AMMECR1L: variants seen among roughly 807,000 people sequenced by gnomAD.
The protein encoded by AMMECR1L is AMMECR1-like protein.
Under a neutral mutation model 36.8 loss-of-function variants are expected in AMMECR1L, and 4 were observed. That is an observed-to-expected ratio of 0.11 (90% confidence interval 0.05 to 0.25). The LOEUF (loss-of-function observed/expected upper bound fraction) is 0.25. Among genes scored for constraint, AMMECR1L ranks in the 10% least tolerant of loss-of-function variants. The pLI is 1.00. For missense variants in AMMECR1L, 232 were observed against 392.1 expected (o/e 0.59, Z 3.45); for synonymous variants, 147 against 148.0 (o/e 0.99, Z 0.05).
At chr2:127,876,159 G>A (rs1691233529) in intron 2 of AMMECR1L, among the ~76,000 whole-genome samples, 1 of 151,278 alleles carries the variant, frequency 6.6e-6, no homozygotes, top group Admixed American at 6.6e-5. Context: ...GACCAGTATA[G>A]GCAACACAGG....
At chr2:127,880,195 A>G (rs1360827255) in intron 2 of AMMECR1L, among the ~76,000 whole-genome samples, 2 of 152,226 alleles carry the variant, frequency 1.3e-5, no homozygotes, top group Non-Finnish European at 2.9e-5. Flanking sequence ...CCCTTGCTTT[A>G]TGAAAGTATA....
In AMMECR1L at chr2:127,874,307, T is replaced by C; in HGVS notation, c.-38-35A>G. 6.4e-7 allele frequency: 1 copy of C among 1,560,338 alleles called. No homozygotes were observed. Among genetic ancestry groups the C allele is most frequent in the East Asian group, 2.2e-5 (1 of 44,498 alleles). The stretch of plus-strand genomic sequence containing the variant: ...ATGAGAAGTTAAGCATTAATTTGAC[T>C]GGTTAGTTAAAAGGAGAGGAAAAAA... On this transcript the variant is annotated intron_variant, in intron 2 of 7. Transcript: ENST00000272647. This position sits in a 1 kb window ranked among gnomAD's most constrained non-coding sequence, Gnocchi z 5.2.
rs1485940469 is a variant in AMMECR1L at position 127,871,991 on chromosome 2, C to A, written c.408-632G>T. On this transcript the variant is annotated intron_variant, in intron 3 of 7. Coordinates refer to ENST00000272647, the MANE Select transcript of AMMECR1L (RefSeq NM_001199140.2). This position sits in a 1 kb window ranked among gnomAD's most constrained non-coding sequence, Gnocchi z 4.3. ...ATCACTTGAGGTAAGGAGTTCTAGA[C>A]CAGCCTGGTCATCATGGCGAAACCC... Among the ~76,000 whole-genome samples, 2 of 152,006 alleles carry A rather than the reference C, an allele frequency of 1.3e-5. No homozygotes were observed. Among genetic ancestry groups the A allele is most frequent in the South Asian group, 2.1e-4 (1 of 4,810 alleles).
At position 127,871,125 on chromosome 2, in the gene AMMECR1L, C is replaced by A; in HGVS notation, c.518+124G>T. On this transcript the variant is annotated intron_variant, in intron 4 of 7. Coordinates refer to ENST00000272647, the MANE Select transcript of AMMECR1L (RefSeq NM_001199140.2). The surrounding 1 kb of genome is among the most constrained non-coding windows in gnomAD (Gnocchi z 4.3). The stretch of plus-strand genomic sequence containing the variant: ...GATAACTGACTCACCAGATTAAGCC[C>A]CTTACATTTCCTGATTACCAAAAAG... The A allele has an allele frequency of 1.8e-6, 2 of 1,096,594 alleles. No homozygotes were observed. Among genetic ancestry groups the A allele is most frequent in the South Asian group, 3.0e-5 (2 of 67,168 alleles). The allele number at this position is 1,096,594 out of a possible 1,614,324, so 67.9% of individuals were successfully genotyped here.
rs1690555606 is a variant in AMMECR1L at position 127,863,561 on chromosome 2, T to G, written c.*1533A>C. On this transcript the variant is annotated 3_prime_UTR_variant, in exon 8 of 8. Transcript: ENST00000272647. ...AAGATCTTCTGAATATTTGCCCATT[T>G]CGGAAAGCCACACCATCACCACATA... 6.6e-6 allele frequency: 1 copy of G among 152,646 alleles called. No homozygotes were observed. The highest frequency in any genetic ancestry group is 1.5e-5 in the Non-Finnish European group (1 of 68,058). 9.5% of individuals were successfully genotyped at this position (152,646 alleles called of 1,614,324 possible).
In AMMECR1L at chr2:127,873,139, A is replaced by G. The variant is rs563167975; in HGVS notation, c.407+689T>C. On this transcript the variant is annotated intron_variant, in intron 3 of 7. Coordinates refer to ENST00000272647, the MANE Select transcript of AMMECR1L (RefSeq NM_001199140.2). This position sits in a 1 kb window ranked among gnomAD's most constrained non-coding sequence, Gnocchi z 5.2. ...AAAAGCATACCCCCAAAACAAAAAT[A>G]AAAAAACAGCAATGCTCTTCAAAGC... 786 of 985,432 alleles carry G rather than the reference A, an allele frequency of 8.0e-4. No individual in the cohort carries two copies. The highest frequency in any genetic ancestry group is 9.0e-4 in the Non-Finnish European group (750 of 829,946). 61.0% of individuals were successfully genotyped at this position (985,432 alleles called of 1,614,324 possible). A position where few individuals can be genotyped will look rare whatever the true frequency, so the allele number is the denominator to read the frequency against.
At chr2:127,875,211 A>G (rs1313694529) in intron 2 of AMMECR1L, among the ~76,000 whole-genome samples, 2 of 152,132 alleles carry the variant, frequency 1.3e-5, no homozygotes, top group Non-Finnish European at 2.9e-5. Context: ...GTATAGCCAT[A>G]ACACAACTAA....
In AMMECR1L at chr2:127,873,473, A is replaced by G. The variant is rs1691083924; in HGVS notation, c.407+355T>C. 1 of 985,322 alleles carries G rather than the reference A, an allele frequency of 1.0e-6. No individual in the cohort carries two copies. The allele number at this position is 985,322 out of a possible 1,614,324, so 61.0% of individuals were successfully genotyped here. On this transcript the variant is annotated intron_variant, in intron 3 of 7. Transcript: ENST00000272647. This position sits in a 1 kb window ranked among gnomAD's most constrained non-coding sequence, Gnocchi z 5.2. Reference sequence around the variant, plus strand: ...GCCCTCAGACTTCCAACTCACCTGGACTTCAACACTATGGGTGTCCCCAAT... The same window carrying G: ...GCCCTCAGACTTCCAACTCACCTGGGCTTCAACACTATGGGTGTCCCCAAT...
At chr2:127,875,526 T>C (rs959273656) in intron 2 of AMMECR1L, among the ~76,000 whole-genome samples, 5 of 152,322 alleles carry the variant, frequency 3.3e-5, no homozygotes, top group African/African-American at 1.2e-4. Context: ...CTTCAACCTT[T>C]TAAATTTCAA....
rs868290778 is a variant in AMMECR1L at position 127,885,930 on chromosome 2, G to T, written c.-269C>A. ...TCCCGAGAGAAGCTGGCCTGCGGGC[G>T]GGCCGGACGCGCTGCGCGGACGGGG... On this transcript the variant is annotated 5_prime_UTR_variant, in exon 1 of 8. Coordinates refer to ENST00000272647, the MANE Select transcript of AMMECR1L (RefSeq NM_001199140.2). 2.3e-5 allele frequency: 23 copies of T among 986,690 alleles called. No individual in the cohort carries two copies. The highest frequency in any genetic ancestry group is 2.5e-5 in the Non-Finnish European group (21 of 830,590). 61.1% of individuals were successfully genotyped at this position (986,690 alleles called of 1,614,324 possible). A position where few individuals can be genotyped will look rare whatever the true frequency, so the allele number is the denominator to read the frequency against.
intron 2 of AMMECR1L, among the ~76,000 whole-genome samples, chr2:127,880,616 T>C (rs1257382034): frequency 2.0e-5 from 3 of 151,962 alleles, no homozygotes; most frequent in Non-Finnish European, 2.9e-5. Flanking sequence ...TCTTCCTCCC[T>C]CTCTGTGGGG....
chr2:127,861,988 A>G lies in AMMECR1L; in HGVS notation c.*3106T>C, dbSNP rs961346965. The G allele has an allele frequency of 1.3e-5, 2 of 152,658 alleles. No individual in the cohort carries two copies. Among genetic ancestry groups the G allele is most frequent in the Non-Finnish European group, 2.9e-5 (2 of 68,044 alleles). The allele number at this position is 152,658 out of a possible 1,614,324, so 9.5% of individuals were successfully genotyped here. A position where few individuals can be genotyped will look rare whatever the true frequency, so the allele number is the denominator to read the frequency against. On this transcript the variant is annotated 3_prime_UTR_variant, in exon 8 of 8. Transcript: ENST00000272647. The stretch of plus-strand genomic sequence containing the variant: ...AAATATATGTAATGTCTCAACTACA[A>G]ACCTTTCATGTTGAAAGGGTCTCTA...
rs1424310165 is a variant in AMMECR1L, at chr2:127,872,111, C to T, written c.408-752G>A. ...GGCTGAGGTGGGAGAATCACTTGAT[C>T]CTGAAAGGCAGAGGTTGCAGTGAAC... On this transcript the variant is annotated intron_variant, in intron 3 of 7. Transcript: ENST00000272647. 7.4e-5 allele frequency among the ~76,000 whole-genome samples: 11 copies of T among 149,362 alleles called. No homozygotes were observed. The East Asian group carries it at 2.0e-3, about 27-fold the overall frequency.
intron 2 of AMMECR1L, among the ~76,000 whole-genome samples, chr2:127,882,292 T>A (rs1317631545): frequency 1.3e-5 from 2 of 152,200 alleles, no homozygotes; most frequent in Non-Finnish European, 2.9e-5. Context: ...TGTTATCATT[T>A]AGCATTTAGA....
chr2:127,885,133 G>A (rs1691698419), intron 1 of AMMECR1L: 2 of 985,082 alleles, frequency 2.0e-6, no homozygotes. Context: ...GACGGATCAT[G>A]GAATGGGGGG....
At position 127,872,953 on chromosome 2, in the gene AMMECR1L, C is replaced by T. The variant is rs963348646; in HGVS notation, c.407+875G>A. The T allele has an allele frequency of 3.1e-6, 3 of 965,376 alleles. No individual in the cohort carries two copies. The African/African-American group carries it at 5.3e-5, about 17-fold the overall frequency. 59.8% of individuals were successfully genotyped at this position (965,376 alleles called of 1,614,324 possible). A position where few individuals can be genotyped will look rare whatever the true frequency, so the allele number is the denominator to read the frequency against. ...CTGACACACTCACAGAGAACAACTT[C>T]CCCTTAGCTCTGTGCGTGTGTGATT... On this transcript the variant is annotated intron_variant, in intron 3 of 7. Transcript: ENST00000272647.
At chr2:127,879,256 G>T (rs1205997391) in intron 2 of AMMECR1L, among the ~76,000 whole-genome samples, 1 of 152,204 alleles carries the variant, frequency 6.6e-6, no homozygotes, top group Non-Finnish European at 1.5e-5. Context: ...CACGGGGGTG[G>T]ATTTCTCATG....
rs1573534271 is a variant in AMMECR1L, at chr2:127,865,727, G to A, written c.822-522C>T. 1.3e-5 allele frequency among the ~76,000 whole-genome samples: 2 copies of A among 152,228 alleles called. No individual in the cohort carries two copies. The highest frequency in any genetic ancestry group is 3.8e-4 in the East Asian group (2 of 5,200). On this transcript the variant is annotated intron_variant, in intron 7 of 7. Coordinates refer to ENST00000272647, the MANE Select transcript of AMMECR1L (RefSeq NM_001199140.2). The surrounding 1 kb of genome is among the most constrained non-coding windows in gnomAD (Gnocchi z 5.4). ...TGCTGAAGCAGGTTAAAGGATCCTT[G>A]GGGCTATATAGGTCTCACTCCCCAG... is the stretch of plus-strand genomic sequence containing the variant.
Position 127,873,087 on chromosome 2 carries a change from G to A in AMMECR1L, c.407+741C>T. 2.0e-6 allele frequency: 2 copies of A among 985,350 alleles called. No individual in the cohort carries two copies. Among genetic ancestry groups the A allele is most frequent in the Non-Finnish European group, 2.4e-6 (2 of 829,916 alleles). 61.0% of individuals were successfully genotyped at this position (985,350 alleles called of 1,614,324 possible). A position where few individuals can be genotyped will look rare whatever the true frequency, so the allele number is the denominator to read the frequency against. ...GTATGGCAATCAACAACTGAGGAAT[G>A]AATAATCTCATATCAATGAACACTC... On this transcript the variant is annotated intron_variant, in intron 3 of 7. Coordinates refer to ENST00000272647, the MANE Select transcript of AMMECR1L (RefSeq NM_001199140.2). This position sits in a 1 kb window ranked among gnomAD's most constrained non-coding sequence, Gnocchi z 5.2.
Sources: gnomAD v4.1 joint callset for allele counts (sites outside exome capture counted in the v4.1 genomes callset) on GRCh38, gnomAD v4.1.1 for gene constraint, Gnocchi (gnomAD v3.1) non-coding constraint, MANE v1.5 for transcripts, NCBI Gene and HGNC (gene_info 2026-07-23, HGNC 2026-07-21) for gene names.